VPS50: variants seen among roughly 807,000 people sequenced by gnomAD.
VPS50 encodes the protein VPS50 subunit of EARP/GARPII complex.
In VPS50, 70 loss-of-function variants were observed where a neutral mutation model predicts 139.7. The observed-to-expected ratio is 0.50, with a 90% CI of 0.41 to 0.61. The LOEUF is 0.61. VPS50 is among the 20% of genes least tolerant of loss of function. The pLI, the probability that VPS50 is intolerant of heterozygous loss-of-function variation, is 0.00. For synonymous variants in VPS50, 365 were observed against 376.7 expected, an observed-to-expected ratio of 0.97 and a Z score of 0.36; for missense variants, 921 against 1,133.7, an observed-to-expected ratio of 0.81 and a Z score of 2.69.
chr7:93,243,550 A>C (rs1795059002), intron 2 of VPS50, among the ~76,000 whole-genome samples: 1 of 151,988 alleles, frequency 6.6e-6, no homozygotes, highest in African/African-American at 2.4e-5. Context: ...ATGACCTAAA[A>C]TTTCATTCTT....
chr7:93,252,707 C>T lies in VPS50; in HGVS notation c.157C>T (p.Leu53Phe). 1.9e-6 allele frequency: 3 copies of T among 1,595,122 alleles called. No individual in the cohort carries two copies. Among genetic ancestry groups the T allele is most frequent in the East Asian group, 2.2e-5 (1 of 44,516 alleles). ...QPSDPQAEQE[L>F]INSIEQVYFS... ...AAGTGACCCTCAAGCTGAACAAGAG[C>T]TTATTAATAGTATTGAACAAGTATA... The change falls in exon 3 of 28, where the codon CTT becomes TTT. Residue 53 changes from leucine (L) to phenylalanine (F), a missense_variant. By Grantham distance (22) the Leu-to-Phe change is conservative (BLOSUM62 0). This residue lies in a region of VPS50 where 744 missense variants were observed against 930.6 expected (regional missense o/e 0.80). Coordinates refer to ENST00000305866, the MANE Select transcript of VPS50 (RefSeq NM_017667.4).
chr7:93,331,272 A>C (rs1434103208), intron 21 of VPS50, among the ~76,000 whole-genome samples: 2 of 148,672 alleles, frequency 1.3e-5, no homozygotes. Flanking sequence ...AGTTTATTTT[A>C]AAATTGATAC....
At position 93,248,556 on chromosome 7, in the gene VPS50, A is replaced by G. The variant is rs933288551; in HGVS notation, c.103-4097A>G. ...ATGTTTTACTAAGAGTTGGTGGAAA[A>G]TTTTGACTATTGAAACAAGAGCATA... On this transcript the variant is annotated intron_variant, in intron 2 of 27. Transcript: ENST00000305866. Among the ~76,000 whole-genome samples the G allele has an allele frequency of 2.0e-5, 3 of 152,242 alleles. No individual in the cohort carries two copies. The South Asian group carries it at 6.2e-4, about 32-fold the overall frequency.
chr7:93,288,982 T>G (rs1796572046), intron 12 of VPS50, among the ~76,000 whole-genome samples: 1 of 152,116 alleles, frequency 6.6e-6, no homozygotes, highest in South Asian at 2.1e-4. Flanking sequence ...ATTTTTTTTT[T>G]CAAGTACATT....
At chr7:93,257,321 G>A in intron 5 of VPS50, 73 bp from the exon 6 acceptor site, 1 of 854,966 alleles carries the variant, frequency 1.2e-6, no homozygotes, top group South Asian at 1.5e-5. Context: ...TAGAGTTTTT[G>A]TTAGAGTACT....
intron 23 of VPS50, among the ~76,000 whole-genome samples, chr7:93,342,862 T>TA (rs1162703168): frequency 1.3e-5 from 2 of 151,794 alleles, no homozygotes; most frequent in African/African-American, 4.8e-5. Context: ...CAAAAGTAGA[T>TA]AAAACCACAA....
At chr7:93,351,177 T>A (rs973702247) in intron 25 of VPS50, among the ~76,000 whole-genome samples, 1 of 152,110 alleles carries the variant, frequency 6.6e-6, no homozygotes, top group Admixed American at 6.5e-5. Context: ...GGAGTTTCCA[T>A]AGAGATCTTA....
At position 93,249,453 on chromosome 7, in the gene VPS50, A is replaced by G. The variant is rs183140586; in HGVS notation, c.103-3200A>G. 4.3e-4 allele frequency among the ~76,000 whole-genome samples: 65 copies of G among 152,248 alleles called. 1 individual carries two copies. The highest frequency in any genetic ancestry group is 4.8e-4 in the African/African-American group (20 of 41,556). ...AGTATCTTTACCTTCTTATCAATCA[A>G]TTAGGTACTATATGGAGAACCTCAG... On this transcript the variant is annotated intron_variant, in intron 2 of 27. Transcript: ENST00000305866.
intron 9 of VPS50, among the ~76,000 whole-genome samples, chr7:93,266,824 C>T (rs1261350936): frequency 6.6e-6 from 1 of 152,226 alleles, no homozygotes; most frequent in East Asian, 1.9e-4. Flanking sequence ...CAGTTAATGT[C>T]CACTATTTAA....
intron 19 of VPS50, among the ~76,000 whole-genome samples, chr7:93,310,149 A>G (rs1260539074): frequency 1.3e-5 from 2 of 152,042 alleles, no homozygotes; most frequent in African/African-American, 4.8e-5. Context: ...TTGAATTGAA[A>G]TGTACAAGTA....
intron 21 of VPS50, among the ~76,000 whole-genome samples, chr7:93,332,657 G>GAC (rs1338394220): frequency 6.6e-6 from 1 of 152,090 alleles, no homozygotes; most frequent in East Asian, 1.9e-4. Context: ...TCCCGACAAG[G>GAC]ACACACACAT....
chr7:93,301,304 A>G (rs921765991), intron 16 of VPS50, among the ~76,000 whole-genome samples: 4 of 151,994 alleles, frequency 2.6e-5, no homozygotes, highest in Non-Finnish European at 4.4e-5. Flanking sequence ...CTTGAAAAAA[A>G]AAAAAAAAGA....
At chr7:93,296,622 G>A (rs866312047) in intron 14 of VPS50, 120 bp from the exon 15 acceptor site, 26 of 1,466,654 alleles carry the variant, frequency 1.8e-5, no homozygotes, top group South Asian at 2.7e-5. Context: ...ATAGATATTC[G>A]TTAACAAATT....
intron 5 of VPS50, among the ~76,000 whole-genome samples, 154 bp from the exon 6 acceptor site, chr7:93,257,240 A>G (rs192462846): frequency 6.6e-6 from 1 of 152,086 alleles, no homozygotes; most frequent in Non-Finnish European, 1.5e-5. Flanking sequence ...TGAAAAATAT[A>G]CTAATAGTTT....
Position 93,276,277 on chromosome 7 carries a change from A to G in VPS50, c.914A>G (p.Gln305Arg). The G allele has an allele frequency of 6.2e-7, 1 of 1,613,594 alleles. No homozygotes were observed. Residue 305 changes from glutamine to arginine, a missense_variant, in exon 12 of 28, where the codon CAA (glutamine) becomes CGA (arginine). Around this residue, in one of 3 missense-constraint regions of VPS50, gnomAD observed 744 missense variants for 930.6 expected, o/e 0.80. Coordinates refer to ENST00000305866, the MANE Select transcript of VPS50 (RefSeq NM_017667.4). ...LCAGNTDTKF[Q>R]KLQYKDLCTH... ...GCAGGAAACACAGACACAAAATTCC[A>G]AAAGCTGCAATATAAGGATCTCTGT...
At chr7:93,288,566 C>T (rs576697573) in intron 12 of VPS50, among the ~76,000 whole-genome samples, 1 of 152,126 alleles carries the variant, frequency 6.6e-6, no homozygotes, top group Non-Finnish European at 1.5e-5. Flanking sequence ...AATTCCCCTC[C>T]TTGGGATTGT....
intron 22 of VPS50, among the ~76,000 whole-genome samples, chr7:93,337,432 T>TC (rs2117052682): frequency 6.6e-6 from 1 of 152,290 alleles, no homozygotes; most frequent in East Asian, 1.9e-4. Context: ...CTCCTTGACT[T>TC]CCATTATTTT....
At position 93,249,584 on chromosome 7, in the gene VPS50, C is replaced by T. The variant is rs187748705; in HGVS notation, c.103-3069C>T. Among the ~76,000 whole-genome samples, 359 of 152,204 alleles carry T rather than the reference C, an allele frequency of 2.4e-3. 1 individual carries two copies. The highest frequency in any genetic ancestry group is 8.2e-3 in the African/African-American group (341 of 41,542). On this transcript the variant is annotated intron_variant, in intron 2 of 27. Transcript: ENST00000305866. ...GGCTCTATTTCTGATTTAAAAAAAT[C>T]GTAGCAGTTTTTGTAATCTTCAAAT...
chr7:93,345,969 T>G (rs1236601027), intron 23 of VPS50, among the ~76,000 whole-genome samples: 1 of 152,206 alleles, frequency 6.6e-6, no homozygotes, highest in African/African-American at 2.4e-5. Context: ...TGTTGGAAGT[T>G]CTGGCCAGGG....
Sources: allele counts gnomAD v4.1 joint callset (sites outside exome capture counted in the v4.1 genomes callset), GRCh38; gene constraint gnomAD v4.1.1; regional missense constraint gnomAD v4.1.1; transcripts MANE v1.5; gene names NCBI Gene and HGNC (gene_info 2026-07-23, HGNC 2026-07-21).